HEATR1: variants seen among roughly 807,000 people sequenced by gnomAD.
HEATR1 encodes the protein HEAT repeat containing 1.
A neutral mutation model predicts 248.2 loss-of-function variants in HEATR1; 77 were observed. That is an observed-to-expected ratio of 0.31 (90% CI 0.26 to 0.37). The LOEUF (loss-of-function observed/expected upper bound fraction) is 0.37, where lower values mean the gene tolerates loss of function less well. HEATR1 is among the 10% of genes least tolerant of loss of function. The pLI is 1.00. For missense variants in HEATR1, 2,420 were observed against 2,504.9 expected, an observed-to-expected ratio of 0.97 and a Z score of 0.72; for synonymous variants, 897 against 923.1, an observed-to-expected ratio of 0.97 and a Z score of 0.51.
intron 19 of HEATR1, among the ~76,000 whole-genome samples, chr1:236,581,852 C>T (rs1663755085): frequency 6.6e-6 from 1 of 152,172 alleles, no homozygotes; most frequent in African/African-American, 2.4e-5. Context: ...CCTCTCTGAA[C>T]ACCAGTATTC....
At chr1:236,569,722 G>A (rs575062888) in intron 28 of HEATR1, among the ~76,000 whole-genome samples, 1 of 152,230 alleles carries the variant, frequency 6.6e-6, no homozygotes, top group East Asian at 1.9e-4. Flanking sequence ...AAATAGTCTT[G>A]CAAGTTACTC....
At chr1:236,604,180 G>A (rs1312726388) in intron 1 of HEATR1, 53 bp from the exon 2 acceptor site, 1 of 1,423,054 alleles carries the variant, frequency 7.0e-7, no homozygotes, top group African/African-American at 1.5e-5. Flanking sequence ...AAGGCGCCTC[G>A]TAAACAAACA....
chr1:236,571,369 A>G lies in HEATR1; in HGVS notation c.3930T>C (p.Thr1310=). ...CGCTTACCGGAAATATTCCAGCAACAGTGCCCAAAAGTAAAAGGGCATGGT... is the reference window on the plus strand; with the variant it reads ...CGCTTACCGGAAATATTCCAGCAACGGTGCCCAAAAGTAAAAGGGCATGGT... ...THHHALLLLG[T]VAGIFPDKVL... The change falls in exon 28 of 45, where the codon ACT becomes ACC. Residue 1310 remains threonine, a synonymous_variant. Coordinates refer to ENST00000366582, the MANE Select transcript of HEATR1 (RefSeq NM_018072.6). 1.3e-6 allele frequency: 2 copies of G among 1,597,324 alleles called. No homozygotes were observed. Among genetic ancestry groups the G allele is most frequent in the East Asian group, 2.2e-5 (1 of 44,810 alleles).
chr1:236,584,334 T>C (rs1891237), intron 17 of HEATR1, among the ~76,000 whole-genome samples: 92,782 of 151,996 alleles, frequency 0.61, 30,014 homozygotes, highest in Non-Finnish European at 0.72. Context: ...AATATGAAGA[T>C]TTTACTCTTT....
intron 30 of HEATR1, 121 bp from the exon 31 acceptor site, chr1:236,566,166 C>A (rs563100593): frequency 3.4e-6 from 3 of 877,732 alleles, no homozygotes; most frequent in Non-Finnish European, 3.4e-6. Context: ...TAGAGTGGGT[C>A]GAGATCTACT....
intron 19 of HEATR1, among the ~76,000 whole-genome samples, chr1:236,582,134 T>G (rs1663766070): frequency 1.3e-5 from 2 of 152,152 alleles, no homozygotes. Context: ...AGATGGAGTC[T>G]CGCTCTGTCG....
chr1:236,557,520 A>C (rs1283077169), intron 36 of HEATR1, among the ~76,000 whole-genome samples, 175 bp from the exon 37 acceptor site: 1 of 152,250 alleles, frequency 6.6e-6, no homozygotes, highest in East Asian at 1.9e-4. Context: ...GAAATCTCCC[A>C]GTGCTAACAG....
chr1:236,569,042 T>C lies in HEATR1; in HGVS notation c.4031A>G (p.Gln1344Arg). The change falls in exon 29 of 45, where the codon CAA (glutamine) becomes CGA (arginine). Residue 1344 changes from glutamine (Q) to arginine (R), a missense_variant. Gln to Arg is a conservative substitution (Grantham distance 43). Coordinates refer to ENST00000366582, the MANE Select transcript of HEATR1 (RefSeq NM_018072.6). The stretch of plus-strand genomic sequence containing the variant: ...CATTTTCACTGTCTTGTTAATAACT[T>C]GAAAACTGTAAGTATCATCTAGGCG... ...VMRLDDTYSFQVINKTVKMVI... is the reference protein window; with the variant it reads ...VMRLDDTYSFRVINKTVKMVI... 6.2e-7 allele frequency: 1 copy of C among 1,610,722 alleles called. No homozygotes were observed.
Position 236,552,042 on chromosome 1 carries a change from G to C in HEATR1, c.6303C>G (p.Val2101=). ...AGAAAGGAATGGATTCTGGTAGCAAGACAATATAATTCTCCTTTAGTTTTT... is the reference window on the plus strand; with the variant it reads ...AGAAAGGAATGGATTCTGGTAGCAACACAATATAATTCTCCTTTAGTTTTT... ...LAEKLKENYI[V]LLPESIPFLA... is the part of the protein sequence containing the mutation. The change falls in exon 44 of 45, where the codon GTC becomes GTG. Residue 2101 remains valine (V), a synonymous_variant. Transcript: ENST00000366582. The C allele has an allele frequency of 6.2e-7, 1 of 1,613,568 alleles. No homozygotes were observed. The highest frequency in any genetic ancestry group is 8.5e-7 in the Non-Finnish European group (1 of 1,179,694).
At chr1:236,560,982 T>G (rs139017947) in intron 33 of HEATR1, among the ~76,000 whole-genome samples, 230 of 152,344 alleles carry the variant, frequency 1.5e-3, no homozygotes, top group African/African-American at 5.4e-3. Flanking sequence ...ATTTGATCAA[T>G]GTACTGTGGT....
Position 236,574,244 on chromosome 1 carries a change from T to G in HEATR1, c.3417A>C (p.Lys1139Asn). The G allele has an allele frequency of 6.2e-7, 1 of 1,613,052 alleles. No homozygotes were observed. Among genetic ancestry groups the G allele is most frequent in the Non-Finnish European group, 8.5e-7 (1 of 1,179,554 alleles). Residue 1139 changes from lysine (K) to asparagine (N), a missense_variant, in exon 24 of 45, where the codon AAA (lysine) becomes AAC (asparagine). Lys to Asn is a moderately conservative substitution (Grantham distance 94). Transcript: ENST00000366582. ...TGACAGTCTGAGCACAATGTGAGTT[T>G]TTACAGTTCACCAATAAATCAAACA... is the stretch of plus-strand genomic sequence containing the variant. ...RMLFDLLVNC[K>N]NSHCAQTVSS...
intron 36 of HEATR1, 28 bp from the exon 37 acceptor site, chr1:236,557,373 A>G (rs1428071297): frequency 6.2e-7 from 1 of 1,609,504 alleles, no homozygotes; most frequent in Non-Finnish European, 8.5e-7. Context: ...GCTTTAGAAG[A>G]ACTTGAAGCA....
chr1:236,551,963 T>G (rs765260271), intron 44 of HEATR1, 36 bp downstream of exon 44: 1 of 1,333,284 alleles, frequency 7.5e-7, no homozygotes, highest in East Asian at 2.3e-5. Flanking sequence ...AATTATTCCT[T>G]AATTGTTTAA....
At chr1:236,583,493 T>C (rs1314975047) in intron 17 of HEATR1, among the ~76,000 whole-genome samples, 3 of 149,460 alleles carry the variant, frequency 2.0e-5, no homozygotes, top group Admixed American at 6.7e-5. Flanking sequence ...TCTTTTTTTT[T>C]TTTTTTTTTT....
At chr1:236,570,475 G>A (rs1663397871) in intron 28 of HEATR1, among the ~76,000 whole-genome samples, 1 of 152,136 alleles carries the variant, frequency 6.6e-6, no homozygotes, top group Non-Finnish European at 1.5e-5. Context: ...TGCTGGTGGT[G>A]ACGGTGGCAG....
rs149281928 is a variant in HEATR1, at chr1:236,579,702, C to T, written c.2755+1520G>A. On this transcript the variant is annotated intron_variant, in intron 20 of 44. Transcript: ENST00000366582. Reference sequence around the variant, plus strand: ...CAGTAAACTCACCTAAAATAAAGACCGAAATTTTGTAAGCGAATAAAAAAT... The same window carrying T: ...CAGTAAACTCACCTAAAATAAAGACTGAAATTTTGTAAGCGAATAAAAAAT... Among the ~76,000 whole-genome samples, 7 of 151,744 alleles carry T rather than the reference C, an allele frequency of 4.6e-5. No homozygotes were observed. The East Asian group carries it at 7.8e-4, about 17-fold the overall frequency.
chr1:236,589,457 A>G (rs924710683), intron 12 of HEATR1, among the ~76,000 whole-genome samples: 7 of 152,114 alleles, frequency 4.6e-5, no homozygotes, highest in Non-Finnish European at 7.4e-5. Flanking sequence ...CTTAAAATTA[A>G]GTATAACTCC....
At chr1:236,586,993 A>G (rs1663904474) in intron 14 of HEATR1, among the ~76,000 whole-genome samples, 1 of 152,150 alleles carries the variant, frequency 6.6e-6, no homozygotes, top group African/African-American at 2.4e-5. Flanking sequence ...AAATAAACAG[A>G]GCTCATTAAA....
chr1:236,584,588 A>C (rs1314045052), intron 17 of HEATR1, among the ~76,000 whole-genome samples: 1 of 152,234 alleles, frequency 6.6e-6, no homozygotes, highest in African/African-American at 2.4e-5. Flanking sequence ...ATACTATGAA[A>C]GACAGTAGTA....
Sources: allele counts gnomAD v4.1 joint callset (sites outside exome capture counted in the v4.1 genomes callset), GRCh38; gene constraint gnomAD v4.1.1; transcripts MANE v1.5; gene names NCBI Gene and HGNC (gene_info 2026-07-23, HGNC 2026-07-21).